Variants in ANKRD12 observed in about 807,000 individuals in gnomAD.
The protein encoded by ANKRD12 is ankyrin repeat domain-containing protein 12.
ANKRD12 carries 85 observed loss-of-function variants against 183.4 expected under a neutral mutation model. That is an observed-to-expected ratio of 0.46 (90% CI 0.39 to 0.56). The LOEUF is 0.56. ANKRD12 is among the 20% of genes least tolerant of loss of function. ANKRD12 has a pLI of 0.00. For synonymous variants in ANKRD12, 914 were observed against 800.2 expected (o/e 1.14, Z -2.40); for missense variants, 2,405 against 2,357.1 (o/e 1.02, Z -0.42).
At chr18:9,160,276 G>A (rs1179308629) in intron 1 of ANKRD12, among the ~76,000 whole-genome samples, 1 of 152,076 alleles carries the variant, frequency 6.6e-6, no homozygotes, top group Non-Finnish European at 1.5e-5. Flanking sequence ...TGAGGCACCT[G>A]GCTAATTAAA....
At chr18:9,178,770 TC>T (rs2033485055) in intron 1 of ANKRD12, among the ~76,000 whole-genome samples, 2 of 152,328 alleles carry the variant, frequency 1.3e-5, no homozygotes, top group East Asian at 3.9e-4. Flanking sequence ...CATTGCATCT[TC>T]TGATTCATGA....
chr18:9,272,974 A>G (rs2039678358), intron 10 of ANKRD12, among the ~76,000 whole-genome samples: 1 of 152,144 alleles, frequency 6.6e-6, no homozygotes, highest in Non-Finnish European at 1.5e-5. Flanking sequence ...GGTGGGGAGA[A>G]TGGGAAACCT....
At chr18:9,153,373 G>C (rs2029892490) in intron 1 of ANKRD12, among the ~76,000 whole-genome samples, 1 of 152,114 alleles carries the variant, frequency 6.6e-6, no homozygotes, top group African/African-American at 2.4e-5. Flanking sequence ...GTTACTTTGG[G>C]GGAAGTTCTG....
rs2145430588 is a variant in ANKRD12, at chr18:9,273,190, A to G, written c.5764-2334A>G. Among the ~76,000 whole-genome samples the G allele has an allele frequency of 2.6e-5, 4 of 152,314 alleles. No individual in the cohort carries two copies. In the South Asian group the frequency reaches 8.3e-4, roughly 32 times the overall value. ...ACCAGATGGCACAAGTCCGTAGCAAATATTAGGATGGGTTGGGATCTGCAG... is the reference window on the plus strand; with the variant it reads ...ACCAGATGGCACAAGTCCGTAGCAAGTATTAGGATGGGTTGGGATCTGCAG... On this transcript the variant is annotated intron_variant, in intron 10 of 12. Transcript: ENST00000262126.
intron 12 of ANKRD12, among the ~76,000 whole-genome samples, chr18:9,279,869 G>A (rs1289036805): frequency 6.6e-6 from 1 of 151,988 alleles, no homozygotes; most frequent in Admixed American, 6.5e-5. Context: ...TTCTAGTGTG[G>A]GTCTTCATGC....
At chr18:9,232,858 G>GTTA (rs1372041807) in intron 8 of ANKRD12, among the ~76,000 whole-genome samples, 2 of 150,450 alleles carry the variant, frequency 1.3e-5, no homozygotes, top group Non-Finnish European at 3.0e-5. Flanking sequence ...TTTTGTTGTT[G>GTTA]TTGTTGTTTA....
chr18:9,141,010 A>G (rs770173262), intron 1 of ANKRD12, among the ~76,000 whole-genome samples: 3 of 152,204 alleles, frequency 2.0e-5, no homozygotes, highest in Admixed American at 6.5e-5. Flanking sequence ...ATCCTGTTTT[A>G]TTAACCATTG....
At chr18:9,151,331 C>T (rs1194345531) in intron 1 of ANKRD12, among the ~76,000 whole-genome samples, 1 of 152,126 alleles carries the variant, frequency 6.6e-6, no homozygotes, top group Non-Finnish European at 1.5e-5. Flanking sequence ...AGGAAAACAG[C>T]AGAAAACATC....
At chr18:9,267,447 A>C (rs1269643217) in intron 10 of ANKRD12, among the ~76,000 whole-genome samples, 1 of 152,232 alleles carries the variant, frequency 6.6e-6, no homozygotes, top group East Asian at 1.9e-4. Flanking sequence ...CAATTAAACT[A>C]GAACTCAGGA....
chr18:9,263,243 C>T (rs2039086795), intron 9 of ANKRD12, among the ~76,000 whole-genome samples: 1 of 152,110 alleles, frequency 6.6e-6, no homozygotes, highest in African/African-American at 2.4e-5. Context: ...GAACCAGAAG[C>T]TTTTTGGAGT....
Position 9,173,558 on chromosome 18 carries a change from G to A in ANKRD12, c.-51-8824G>A, listed in dbSNP as rs1390969631. 8.9e-5 allele frequency among the ~76,000 whole-genome samples: 11 copies of A among 124,050 alleles called. No individual in the cohort carries two copies. In the East Asian group the frequency reaches 2.2e-3, roughly 25 times the overall value. 81.4% of individuals were successfully genotyped at this position (124,050 alleles called of 152,430 possible). ...TAGGTATATCACCAGTGAAGGCTGT[G>A]AAACAGCTAAGATGGCAGTCTGCTC... On this transcript the variant is annotated intron_variant, in intron 1 of 12. Coordinates refer to ENST00000262126, the MANE Select transcript of ANKRD12 (RefSeq NM_015208.5).
intron 1 of ANKRD12, among the ~76,000 whole-genome samples, chr18:9,175,951 C>G (rs1174890145): frequency 6.6e-6 from 1 of 152,076 alleles, no homozygotes; most frequent in Non-Finnish European, 1.5e-5. Flanking sequence ...AAAAAAAACT[C>G]TTTGTTTCCT....
chr18:9,229,291 C>T (rs2036906603), intron 8 of ANKRD12, among the ~76,000 whole-genome samples: 1 of 152,022 alleles, frequency 6.6e-6, no homozygotes. Context: ...TTTTTGTTTC[C>T]ATACATGTTT....
intron 1 of ANKRD12, among the ~76,000 whole-genome samples, chr18:9,149,827 A>G (rs1271510868): frequency 2.1e-5 from 3 of 143,252 alleles, no homozygotes; most frequent in African/African-American, 7.8e-5. Context: ...ACGGAGTCTC[A>G]CTCTGTCACC....
At position 9,257,976 on chromosome 18, in the gene ANKRD12, A is replaced by G; in HGVS notation, c.4709A>G (p.Gln1570Arg). Residue 1570 changes from glutamine to arginine, a missense_variant, in exon 9 of 13, where the codon CAA becomes CGA. Gln to Arg is a conservative substitution (Grantham distance 43, BLOSUM62 1). Around this residue, in one of 7 missense-constraint regions of ANKRD12, gnomAD observed 1,983 missense variants for 1,725.9 expected, o/e 1.15. Coordinates refer to ENST00000262126, the MANE Select transcript of ANKRD12 (RefSeq NM_015208.5). ...FVPVYSDSTI[Q>R]EASPNFEKAY... ...CCAGTGTACTCTGACAGCACTATTC[A>G]AGAAGCATCACCAAACTTTGAGAAA... 1.2e-6 allele frequency: 2 copies of G among 1,613,922 alleles called. No individual in the cohort carries two copies. The highest frequency in any genetic ancestry group is 1.6e-4 in the Middle Eastern group (1 of 6,062).
chr18:9,141,500 C>T (rs1598375020), intron 1 of ANKRD12, among the ~76,000 whole-genome samples: 1 of 152,140 alleles, frequency 6.6e-6, no homozygotes, highest in Non-Finnish European at 1.5e-5. Flanking sequence ...CTGATTAGTG[C>T]GATCCTCCAA....
At chr18:9,265,063 G>C (rs1412952609) in intron 10 of ANKRD12, among the ~76,000 whole-genome samples, 1 of 151,622 alleles carries the variant, frequency 6.6e-6, no homozygotes, top group Non-Finnish European at 1.5e-5. Flanking sequence ...CGCAAGGCGG[G>C]AGCGAGGCTG....
chr18:9,204,425 A>G (rs769698224), intron 3 of ANKRD12, 51 bp from the exon 4 acceptor site: 18 of 1,320,382 alleles, frequency 1.4e-5, no homozygotes, highest in Non-Finnish European at 1.8e-5. Flanking sequence ...TGAATTCTGC[A>G]TTTCCCTCCG....
chr18:9,260,100 C>T (rs1307308888), intron 9 of ANKRD12: 1 of 152,060 alleles, frequency 6.6e-6, no homozygotes, highest in South Asian at 2.1e-4. Context: ...TAATAAAGAC[C>T]AGAATAACAA....
Sources: allele counts gnomAD v4.1 joint callset (sites outside exome capture counted in the v4.1 genomes callset), GRCh38; gene constraint gnomAD v4.1.1; regional missense constraint gnomAD v4.1.1; transcripts MANE v1.5; gene names NCBI Gene and HGNC (gene_info 2026-07-23, HGNC 2026-07-21).